The following AGK variants were observed in gnomAD, a reference collection of about 807,000 sequenced individuals.
The protein encoded by AGK is acylglycerol kinase.
Under a neutral mutation model 66.4 loss-of-function variants are expected in AGK, and 52 were observed. That is an observed-to-expected ratio of 0.78 (90% CI 0.63 to 0.99). AGK has a LOEUF of 0.99. AGK is among the 50% of genes least tolerant of loss of function. The probability of loss-of-function intolerance (pLI) is 0.00; values close to 1 mark genes in which losing one functional copy is unlikely to be tolerated. For missense variants in AGK, 451 were observed against 506.6 expected (o/e 0.89, Z 1.05); for synonymous variants, 182 against 181.1 (o/e 1.00, Z -0.04).
intron 2 of AGK, among the ~76,000 whole-genome samples, chr7:141,573,314 T>C (rs1384223914): frequency 6.6e-6 from 1 of 152,228 alleles, no homozygotes; most frequent in Non-Finnish European, 1.5e-5. Flanking sequence ...ATTTCCTTTC[T>C]TTCAACTCTT....
chr7:141,571,196 A>T (rs1250388995), intron 2 of AGK, among the ~76,000 whole-genome samples: 1 of 152,204 alleles, frequency 6.6e-6, no homozygotes, highest in Non-Finnish European at 1.5e-5. Context: ...GGTGCCCTTG[A>T]GGCAAGTGCC....
chr7:141,566,073 C>T (rs900744894), intron 2 of AGK, among the ~76,000 whole-genome samples: 2 of 152,164 alleles, frequency 1.3e-5, no homozygotes, highest in Non-Finnish European at 2.9e-5. Flanking sequence ...TTCAGGATTT[C>T]TTGGAATGTC....
chr7:141,625,298 C>T (rs1796912325), intron 9 of AGK, among the ~76,000 whole-genome samples: 1 of 152,040 alleles, frequency 6.6e-6, no homozygotes. Flanking sequence ...ATAAGAATTG[C>T]TCTCTATCTC....
At chr7:141,593,352 A>G in intron 3 of AGK, 167 bp downstream of exon 3, 1 of 720,382 alleles carries the variant, frequency 1.4e-6, no homozygotes, top group East Asian at 2.7e-5. Context: ...GTAGAACTCC[A>G]GGAAGTTAAC....
At position 141,598,648 on chromosome 7, in the gene AGK, T is replaced by C. The variant is rs907595188; in HGVS notation, c.221+2007T>C. 6.6e-6 allele frequency among the ~76,000 whole-genome samples: 1 copy of C among 152,160 alleles called. No individual in the cohort carries two copies. Among genetic ancestry groups the C allele is most frequent in the Non-Finnish European group, 1.5e-5 (1 of 68,018 alleles). ...CATAATAAGCACACAATGTAAGAAA[T>C]ATAAACTGCTGAAATTGTTACTCTT... On this transcript the variant is annotated intron_variant, in intron 4 of 15. Transcript: ENST00000649286. The surrounding 1 kb of genome is among the most constrained non-coding windows in gnomAD (Gnocchi z 4.2).
intron 2 of AGK, among the ~76,000 whole-genome samples, chr7:141,580,404 G>A (rs1795856373): frequency 6.6e-6 from 1 of 151,892 alleles, no homozygotes; most frequent in Non-Finnish European, 1.5e-5. Flanking sequence ...CAGGAAAGAA[G>A]GAAATATGGG....
chr7:141,581,952 A>T (rs1475146532), intron 2 of AGK, among the ~76,000 whole-genome samples: 1 of 152,006 alleles, frequency 6.6e-6, no homozygotes, highest in Admixed American at 6.5e-5. Flanking sequence ...CATGCCCTTG[A>T]AAAGAAGGTA....
In AGK at chr7:141,555,448, C is replaced by T. The variant is rs1338716538; in HGVS notation, c.-14-5C>T. The T allele has an allele frequency of 4.4e-6, 7 of 1,598,524 alleles. No individual in the cohort carries two copies. Among genetic ancestry groups the T allele is most frequent in the African/African-American group, 2.7e-5 (2 of 74,520 alleles). ...TTTTTTCTCTTTCCGCCTCTACTAA[C>T]CTAGCAAATCTCTAGAAGATGACGG... On this transcript the variant is annotated splice_polypyrimidine_tract_variant and splice_region_variant and intron_variant, in intron 1 of 15. Transcript: ENST00000649286. The surrounding 1 kb of genome is among the most constrained non-coding windows in gnomAD (Gnocchi z 4.2).
chr7:141,645,832 A>G (rs1311325830), intron 13 of AGK, among the ~76,000 whole-genome samples: 1 of 152,190 alleles, frequency 6.6e-6, no homozygotes, highest in Non-Finnish European at 1.5e-5. Flanking sequence ...TGTCAAAGCA[A>G]TAAAATGAAT....
intron 2 of AGK, among the ~76,000 whole-genome samples, chr7:141,573,605 A>G (rs1795663332): frequency 6.6e-6 from 1 of 152,222 alleles, no homozygotes; most frequent in South Asian, 2.1e-4. Flanking sequence ...CAGAACAGCA[A>G]AAAGATTGAC....
Position 141,620,976 on chromosome 7 carries a change from G to A in AGK, c.519-756G>A, listed in dbSNP as rs139325386. Among the ~76,000 whole-genome samples, 27 of 152,288 alleles carry A rather than the reference G, an allele frequency of 1.8e-4. No homozygotes were observed. In the East Asian group the frequency reaches 5.2e-3, roughly 29 times the overall value. On this transcript the variant is annotated intron_variant, in intron 8 of 15. Transcript: ENST00000649286. ...CCTTGCATGTGGGAGAAGGGAAAAA[G>A]CCAATTCCAGCCTACTCTAGCCATT...
chr7:141,584,370 C>T (rs780529388), intron 2 of AGK, among the ~76,000 whole-genome samples: 24 of 152,088 alleles, frequency 1.6e-4, no homozygotes, highest in East Asian at 5.8e-4. Flanking sequence ...TCACTTGCTT[C>T]GGGCCATCTG....
intron 2 of AGK, among the ~76,000 whole-genome samples, chr7:141,556,552 A>G (rs985204250): frequency 1.3e-5 from 2 of 151,978 alleles, no homozygotes; most frequent in East Asian, 3.9e-4. Context: ...AAAAAAAAAA[A>G]AAAAATAAAG....
intron 5 of AGK, among the ~76,000 whole-genome samples, chr7:141,607,524 A>G (rs767231636): frequency 1.3e-5 from 2 of 152,098 alleles, no homozygotes; most frequent in African/African-American, 4.8e-5. Flanking sequence ...AGTTATTTAT[A>G]TATTTTAGAT....
chr7:141,598,242 C>G lies in AGK; in HGVS notation c.221+1601C>G, dbSNP rs920167662. Among the ~76,000 whole-genome samples, 2 of 152,202 alleles carry G rather than the reference C, an allele frequency of 1.3e-5. No homozygotes were observed. Among genetic ancestry groups the G allele is most frequent in the African/African-American group, 2.4e-5 (1 of 41,442 alleles). ...TATCTGCTGGGCTTTGTTAGAGCCG[C>G]TTCCCTCCCCCATAAACGCACCAGT... On this transcript the variant is annotated intron_variant, in intron 4 of 15. Transcript: ENST00000649286. The surrounding 1 kb of genome is among the most constrained non-coding windows in gnomAD (Gnocchi z 4.2).
intron 2 of AGK, among the ~76,000 whole-genome samples, chr7:141,588,627 AAAAG>A (rs1379537771): frequency 6.6e-6 from 1 of 152,108 alleles, no homozygotes; most frequent in Non-Finnish European, 1.5e-5. Flanking sequence ...GAAAAAAAAA[AAAAG>A]AAAGTAAAAG....
In AGK at chr7:141,641,371, G is replaced by C. The variant is rs759614797; in HGVS notation, c.850G>C (p.Ala284Pro). ...GTACAGGAGAATATTACGAAGGCTT[G>C]CGTCCTACTGGGCACAACCACAGGA... ...SLYRRILRRLASYWAQPQDAL... is the reference protein window; with the variant it reads ...SLYRRILRRLPSYWAQPQDAL... Residue 284 changes from alanine to proline, a missense_variant, in exon 12 of 16, where the codon GCG becomes CCG. By Grantham distance (27) the Ala-to-Pro change is conservative (BLOSUM62 -1). Transcript: ENST00000649286. 6.2e-7 allele frequency: 1 copy of C among 1,612,808 alleles called. No individual in the cohort carries two copies.
At chr7:141,562,572 T>C (rs1795373318) in intron 2 of AGK, among the ~76,000 whole-genome samples, 1 of 152,130 alleles carries the variant, frequency 6.6e-6, no homozygotes, top group Non-Finnish European at 1.5e-5. Flanking sequence ...CCAGTGGGGT[T>C]ATGTTCCAGA....
chr7:141,613,159 A>C (rs116397140), intron 6 of AGK, among the ~76,000 whole-genome samples: 2,673 of 152,304 alleles, frequency 0.018, 79 homozygotes, highest in African/African-American at 0.062. Flanking sequence ...CCTGAAATTC[A>C]GTGAGGCAGG....
Sources: gnomAD v4.1 joint callset for allele counts (sites outside exome capture counted in the v4.1 genomes callset) on GRCh38, gnomAD v4.1.1 for gene constraint, Gnocchi (gnomAD v3.1) non-coding constraint, MANE v1.5 for transcripts, NCBI Gene and HGNC (gene_info 2026-07-23, HGNC 2026-07-21) for gene names.